CSTPP1: variants seen among roughly 807,000 people sequenced by gnomAD.
CSTPP1 encodes the protein centriolar satellite-associated tubulin polyglutamylase complex regulator 1.
chr11:46,937,351 GT>G, the CSTPP1 span, among the ~76,000 whole-genome samples: 151,785 of 152,298 alleles, frequency 1, 75,637 homozygotes, highest in Middle Eastern at 1. Flanking sequence ...GGTAACTTGC[GT>G]TAAGTTAGGC....
At chr11:47,110,219 T>C in the CSTPP1 span, among the ~76,000 whole-genome samples, 3 of 152,208 alleles carry the variant, frequency 2.0e-5, no homozygotes, top group Non-Finnish European at 2.9e-5. Flanking sequence ...ACCATGAAAA[T>C]AGGGATTTTT....
At chr11:47,026,496 T>G in the CSTPP1 span, among the ~76,000 whole-genome samples, 1 of 152,300 alleles carries the variant, frequency 6.6e-6, no homozygotes, top group Middle Eastern at 3.4e-3. Flanking sequence ...AAGAAATCAA[T>G]AATAAGCCAA....
At chr11:47,101,137 TA>T in the CSTPP1 span, among the ~76,000 whole-genome samples, 3 of 146,524 alleles carry the variant, frequency 2.0e-5, no homozygotes, top group East Asian at 5.9e-4. Context: ...TAGCTGGGAT[TA>T]CAGGTGCCTG....
At chr11:47,094,480 C>CACAG in the CSTPP1 span, among the ~76,000 whole-genome samples, 5 of 150,178 alleles carry the variant, frequency 3.3e-5, no homozygotes, top group East Asian at 3.9e-4. Context: ...TTACCACACA[C>CACAG]AGAGAGAGAG....
chr11:46,939,082 CTTTT>C, the CSTPP1 span, among the ~76,000 whole-genome samples: 5 of 84,766 alleles, frequency 5.9e-5, no homozygotes, highest in South Asian at 8.6e-4. Context: ...TGGCTTACAT[CTTTT>C]TTTTTTTTTT....
the CSTPP1 span, among the ~76,000 whole-genome samples, chr11:47,038,661 T>G: frequency 9.5e-6 from 1 of 105,446 alleles, no homozygotes; most frequent in African/African-American, 2.9e-5. Flanking sequence ...CCGGACGGGG[T>G]GGCTGGCCGG....
chr11:47,018,561 G>T, the CSTPP1 span, among the ~76,000 whole-genome samples: 1 of 152,216 alleles, frequency 6.6e-6, no homozygotes. Flanking sequence ...CCAAAGTGCT[G>T]GGATTACAGG....
the CSTPP1 span, among the ~76,000 whole-genome samples, chr11:47,070,272 G>A: frequency 1.5e-4 from 23 of 151,556 alleles, no homozygotes; most frequent in Non-Finnish European, 3.1e-4. Flanking sequence ...GAGGGGGAGA[G>A]AGAGAGAGAG....
the CSTPP1 span, among the ~76,000 whole-genome samples, chr11:46,966,453 T>C: frequency 6.6e-6 from 1 of 152,220 alleles, no homozygotes; most frequent in African/African-American, 2.4e-5. Flanking sequence ...TAATTTTTCA[T>C]GTGAAAGCTT....
the CSTPP1 span, among the ~76,000 whole-genome samples, chr11:47,122,086 AAAAAAAT>A: frequency 5.9e-4 from 61 of 102,588 alleles, no homozygotes; most frequent in African/African-American, 2.2e-3. Context: ...AAAAAAAAAA[AAAAAAAT>A]ATATATATAT....
the CSTPP1 span, among the ~76,000 whole-genome samples, chr11:47,016,404 C>CA: frequency 6.3e-4 from 19 of 30,254 alleles, no homozygotes; most frequent in South Asian, 1.3e-3. Context: ...AAACAAAAAA[C>CA]AAAAAACAAA....
At chr11:47,014,485 A>G in the CSTPP1 span, among the ~76,000 whole-genome samples, 1 of 151,922 alleles carries the variant, frequency 6.6e-6, no homozygotes, top group Non-Finnish European at 1.5e-5. Flanking sequence ...ATCACCGATC[A>G]CCTAAGTTGG....
chr11:47,080,748 C>T, the CSTPP1 span, among the ~76,000 whole-genome samples: 1 of 152,004 alleles, frequency 6.6e-6, no homozygotes, highest in Non-Finnish European at 1.5e-5. Flanking sequence ...GTGGCTCACA[C>T]CTGCAATCCT....
chr11:47,157,921 C>T, the CSTPP1 span: 342 of 1,612,818 alleles, frequency 2.1e-4, no homozygotes, highest in Non-Finnish European at 2.7e-4. Flanking sequence ...ACCAAGCCCT[C>T]GGTAAGTCAG....
the CSTPP1 span, among the ~76,000 whole-genome samples, chr11:46,973,485 C>T: frequency 6.6e-6 from 1 of 152,140 alleles, no homozygotes; most frequent in Non-Finnish European, 1.5e-5. Flanking sequence ...GAGTATACTC[C>T]AGGGTTTCAT....
the CSTPP1 span, among the ~76,000 whole-genome samples, chr11:47,008,970 G>T: frequency 6.6e-6 from 1 of 151,696 alleles, no homozygotes; most frequent in Non-Finnish European, 1.5e-5. Flanking sequence ...GGTGGAACTT[G>T]CAGTGAGCCA....
the CSTPP1 span, chr11:47,161,810 C>A: frequency 7.1e-7 from 1 of 1,405,620 alleles, no homozygotes; most frequent in Non-Finnish European, 9.2e-7. Context: ...CAGCCAGTGG[C>A]CCCGGAAGGT....
chr11:46,982,292 A>C, the CSTPP1 span, among the ~76,000 whole-genome samples: 1 of 152,148 alleles, frequency 6.6e-6, no homozygotes, highest in East Asian at 1.9e-4. Flanking sequence ...AGGGGGGAAA[A>C]AGTCAGGTTT....
At chr11:47,138,305 TG>T in the CSTPP1 span, among the ~76,000 whole-genome samples, 1 of 152,082 alleles carries the variant, frequency 6.6e-6, no homozygotes, top group Non-Finnish European at 1.5e-5. Flanking sequence ...AAGAACAGCA[TG>T]GGGGAAACTG....
Sources: gnomAD v4.1 joint callset for allele counts (sites outside exome capture counted in the v4.1 genomes callset) on GRCh38, gnomAD v4.1.1 for gene constraint, MANE v1.5 for transcripts, NCBI Gene and HGNC (gene_info 2026-07-23, HGNC 2026-07-21) for gene names.